The following TRIM37 variants were observed in gnomAD, a reference collection of about 807,000 sequenced individuals.
The protein encoded by TRIM37 is E3 ubiquitin-protein ligase TRIM37.
Under a neutral mutation model 129.8 loss-of-function variants are expected in TRIM37, and 80 were observed. The observed-to-expected ratio is 0.62, with a 90% CI of 0.51 to 0.74. The LOEUF (loss-of-function observed/expected upper bound fraction) is 0.74. TRIM37 is among the 30% of genes least tolerant of loss of function. The probability of loss-of-function intolerance (pLI) is 0.00; values close to 1 mark genes in which losing one functional copy is unlikely to be tolerated. For missense variants in TRIM37, 1,054 were observed against 1,176.5 expected (o/e 0.90, Z 1.52); for synonymous variants, 389 against 387.1 (o/e 1.00, Z -0.06).
downstream of TRIM37, chr17:58,998,051 A>T: frequency 3.8e-6 from 1 of 262,894 alleles, no homozygotes; most frequent in Non-Finnish European, 5.9e-6. Flanking sequence ...TTCTAATTTT[A>T]GAATGACTGG....
chr17:59,047,863 C>G (rs747987385), intron 15 of TRIM37, 44 bp from the exon 16 acceptor site: 3 of 1,610,644 alleles, frequency 1.9e-6, no homozygotes, highest in East Asian at 4.5e-5. Context: ...CCAAATGTTT[C>G]TACTCAGTTG....
chr17:59,082,781 C>CA (rs1413224641), intron 5 of TRIM37, among the ~76,000 whole-genome samples: 1 of 152,004 alleles, frequency 6.6e-6, no homozygotes, highest in African/African-American at 2.4e-5. Flanking sequence ...TTATTGTCTC[C>CA]AAAAAAGATG....
At chr17:59,012,006 T>C (rs2035314642) in intron 22 of TRIM37, among the ~76,000 whole-genome samples, 2 of 152,202 alleles carry the variant, frequency 1.3e-5, no homozygotes, top group Non-Finnish European at 2.9e-5. Flanking sequence ...ATGAACTATA[T>C]GCAGATTTTT....
At chr17:59,104,578 CG>C in intron 1 of TRIM37, 184 bp from the exon 2 acceptor site, 4 of 755,314 alleles carry the variant, frequency 5.3e-6, no homozygotes, top group Non-Finnish European at 7.3e-6. Flanking sequence ...AATGTACTCC[CG>C]TTTGGTTTCA....
chr17:59,062,062 G>C (rs1404497972), intron 11 of TRIM37, among the ~76,000 whole-genome samples: 2 of 151,634 alleles, frequency 1.3e-5, no homozygotes, highest in Admixed American at 1.3e-4. Flanking sequence ...ACTACATATT[G>C]AAAGACTTCA....
intron 19 of TRIM37, among the ~76,000 whole-genome samples, chr17:59,021,012 A>G (rs2036538622): frequency 6.6e-6 from 1 of 152,206 alleles, no homozygotes; most frequent in Non-Finnish European, 1.5e-5. Context: ...TATGTCAAAG[A>G]GGTATCTGCA....
At chr17:59,083,370 G>A (rs1166226520) in intron 5 of TRIM37, among the ~76,000 whole-genome samples, 4 of 151,242 alleles carry the variant, frequency 2.6e-5, no homozygotes, top group Non-Finnish European at 4.4e-5. Context: ...CCCGGGAGGC[G>A]GAGGTTGCAG....
At chr17:58,985,511 A>T (rs368497308) in intron 24 of TRIM37, among the ~76,000 whole-genome samples, 15 of 152,338 alleles carry the variant, frequency 9.8e-5, no homozygotes, top group African/African-American at 3.6e-4. Context: ...CTCTGCATCT[A>T]ACCAAGCTTT....
At chr17:58,993,019 C>T (rs980420147) in intron 24 of TRIM37, among the ~76,000 whole-genome samples, 9 of 152,188 alleles carry the variant, frequency 5.9e-5, no homozygotes, top group African/African-American at 1.9e-4. Flanking sequence ...TGAATTCCCA[C>T]ATATCATGGG....
chr17:59,079,232 G>C (rs2147001325), intron 7 of TRIM37, among the ~76,000 whole-genome samples: 1 of 152,224 alleles, frequency 6.6e-6, no homozygotes, highest in African/African-American at 2.4e-5. Flanking sequence ...TAAAATTTAA[G>C]TTCAATACCA....
rs751361382 is a variant in TRIM37, at chr17:59,103,912, C to A, written c.123+381G>T. Among the ~76,000 whole-genome samples, 67 of 152,148 alleles carry A rather than the reference C, an allele frequency of 4.4e-4. 1 individual carries two copies. The highest frequency in any genetic ancestry group is 1.3e-4 in the Admixed American group (2 of 15,270). ...CCACCTACCTCGGCCTCCCAAAGCA[C>A]CAACACTCAAGTTTTAAAGCCACTA... On this transcript the variant is annotated intron_variant, in intron 2 of 23. Coordinates refer to ENST00000262294, the MANE Select transcript of TRIM37 (RefSeq NM_015294.6).
chr17:59,070,513 C>T (rs1360401162), intron 9 of TRIM37, among the ~76,000 whole-genome samples: 1 of 152,040 alleles, frequency 6.6e-6, no homozygotes, highest in Non-Finnish European at 1.5e-5. Context: ...TGAGACTTTT[C>T]AGGAGAACTA....
At chr17:59,014,008 T>C (rs2035607074) in intron 21 of TRIM37, among the ~76,000 whole-genome samples, 2 of 151,944 alleles carry the variant, frequency 1.3e-5, no homozygotes, top group African/African-American at 4.8e-5. Context: ...ACTAAGTTCA[T>C]GTATATTTAA....
intron 2 of TRIM37, among the ~76,000 whole-genome samples, chr17:59,099,899 A>G (rs765640046): frequency 3.3e-5 from 5 of 151,972 alleles, no homozygotes; most frequent in Non-Finnish European, 5.9e-5. Flanking sequence ...CGCCTTCTGG[A>G]TTCAAGTGAT....
At chr17:59,091,244 C>T (rs1175355482) in intron 3 of TRIM37, 56 bp downstream of exon 3, 46 of 1,399,090 alleles carry the variant, frequency 3.3e-5, no homozygotes, top group Non-Finnish European at 4.3e-5. Flanking sequence ...AATCCCAAGG[C>T]ACATTCTGAT....
chr17:59,071,880 T>C, intron 8 of TRIM37, among the ~76,000 whole-genome samples: 1 of 152,202 alleles, frequency 6.6e-6, no homozygotes, highest in East Asian at 1.9e-4. Flanking sequence ...AATAGTAATA[T>C]CCACCACTGC....
At chr17:59,011,878 TA>T in intron 22 of TRIM37, among the ~76,000 whole-genome samples, 1 of 152,374 alleles carries the variant, frequency 6.6e-6, no homozygotes, top group Non-Finnish European at 1.5e-5. Flanking sequence ...TTAGTTGTTC[TA>T]GGGCATATCT....
At chr17:59,086,963 TAA>T (rs1380038969) in intron 4 of TRIM37, among the ~76,000 whole-genome samples, 2 of 152,212 alleles carry the variant, frequency 1.3e-5, no homozygotes, top group African/African-American at 4.8e-5. Flanking sequence ...GAAAAACACC[TAA>T]GTGTTCACCA....
intron 17 of TRIM37, among the ~76,000 whole-genome samples, chr17:59,034,820 G>T (rs2038281148): frequency 1.3e-5 from 2 of 152,164 alleles, no homozygotes; most frequent in South Asian, 4.1e-4. Flanking sequence ...CCCAGATGAA[G>T]AAATATATTA....
Sources: gnomAD v4.1 joint callset for allele counts (sites outside exome capture counted in the v4.1 genomes callset) on GRCh38, gnomAD v4.1.1 for gene constraint, MANE v1.5 for transcripts, NCBI Gene and HGNC (gene_info 2026-07-23, HGNC 2026-07-21) for gene names.